Variants in PRKCE observed in about 807,000 individuals in gnomAD.
The protein encoded by PRKCE is protein kinase C epsilon, also known as protein kinase C epsilon type.
A neutral mutation model predicts 85.4 loss-of-function variants in PRKCE; 16 were observed. The ratio of observed to expected loss-of-function variants is 0.19; its 90% CI spans 0.13 to 0.28. PRKCE has a LOEUF of 0.28. Among genes scored for constraint, PRKCE ranks in the 10% least tolerant of loss-of-function variants. The probability of loss-of-function intolerance (pLI) is 1.00; values close to 1 mark genes in which losing one functional copy is unlikely to be tolerated. For synonymous variants in PRKCE, 388 were observed against 371.5 expected (o/e 1.04, Z -0.51); for missense variants, 573 against 975.2 (o/e 0.59, Z 5.49).
intron 2 of PRKCE, among the ~76,000 whole-genome samples, chr2:45,891,167 C>T (rs878912113): frequency 2.0e-5 from 3 of 152,140 alleles, no homozygotes; most frequent in African/African-American, 7.2e-5. Flanking sequence ...ATAGATTTAC[C>T]CGACACACAC....
At chr2:45,814,920 G>A (rs1688922169) in intron 1 of PRKCE, among the ~76,000 whole-genome samples, 1 of 152,162 alleles carries the variant, frequency 6.6e-6, no homozygotes, top group African/African-American at 2.4e-5. Context: ...GTGGCAATGT[G>A]ACTTCTCCAA....
intron 1 of PRKCE, among the ~76,000 whole-genome samples, chr2:45,796,873 G>A (rs942732456): frequency 3.3e-5 from 5 of 152,134 alleles, no homozygotes; most frequent in Non-Finnish European, 7.4e-5. Context: ...GCGCCTCAGC[G>A]TCCCAGAGTG....
At chr2:45,761,206 G>A (rs979421941) in intron 1 of PRKCE, among the ~76,000 whole-genome samples, 4 of 151,424 alleles carry the variant, frequency 2.6e-5, no homozygotes, top group Admixed American at 6.6e-5. Flanking sequence ...GGGCGCCTGT[G>A]GTCTCAGCTA....
At chr2:45,968,613 C>T (rs1050059040) in intron 2 of PRKCE, among the ~76,000 whole-genome samples, 3 of 152,100 alleles carry the variant, frequency 2.0e-5, no homozygotes, top group East Asian at 1.9e-4. Context: ...CCATTTGTAT[C>T]GCAAAGCTAT....
chr2:45,844,983 C>T (rs931315014), intron 2 of PRKCE, among the ~76,000 whole-genome samples: 1 of 151,486 alleles, frequency 6.6e-6, no homozygotes, highest in Non-Finnish European at 1.5e-5. Context: ...ATAGAGTTTA[C>T]TTTAGAAATG....
intron 14 of PRKCE, among the ~76,000 whole-genome samples, chr2:46,173,036 T>G (rs1679075142): frequency 6.6e-6 from 1 of 152,232 alleles, no homozygotes; most frequent in Non-Finnish European, 1.5e-5. Context: ...CTGTTCTATA[T>G]TCTACCAGGC....
chr2:45,828,688 G>T (rs938740057), intron 1 of PRKCE, among the ~76,000 whole-genome samples: 2 of 151,788 alleles, frequency 1.3e-5, no homozygotes, highest in Admixed American at 6.6e-5. Context: ...TACTTTAATG[G>T]ATTGTTTAAC....
intron 2 of PRKCE, among the ~76,000 whole-genome samples, chr2:45,917,838 G>A (rs1459850286): frequency 2.0e-5 from 3 of 152,222 alleles, no homozygotes; most frequent in Admixed American, 6.5e-5. Flanking sequence ...GCTAAGGCCC[G>A]GCGAGAAATC....
In PRKCE at chr2:45,918,136, G is replaced by A. The variant is rs1342544516; in HGVS notation, c.413-58293G>A. Among the ~76,000 whole-genome samples, 7 of 152,226 alleles carry A rather than the reference G, an allele frequency of 4.6e-5. 1 individual carries two copies. Among genetic ancestry groups the A allele is most frequent in the Admixed American group, 4.6e-4 (7 of 15,290 alleles). On this transcript the variant is annotated intron_variant, in intron 2 of 14. Transcript: ENST00000306156. ...AAGGGGCTCCCAGAGTGCAGTGGTG[G>A]GCTGAAGGGCTCCTCAAATGCCGCC...
At chr2:46,018,196 C>T (rs59082194) in intron 10 of PRKCE, among the ~76,000 whole-genome samples, 3,564 of 152,302 alleles carry the variant, frequency 0.023, 100 homozygotes, top group East Asian at 0.12. Flanking sequence ...GGCACAGGAA[C>T]GATCCAAAAT....
chr2:45,761,586 A>G (rs1401318837), intron 1 of PRKCE, among the ~76,000 whole-genome samples: 1 of 152,040 alleles, frequency 6.6e-6, no homozygotes, highest in Admixed American at 6.6e-5. Context: ...GAAGATTCCA[A>G]TTGGCCTCAC....
chr2:46,121,524 A>G (rs1326830161), intron 11 of PRKCE, among the ~76,000 whole-genome samples: 1 of 152,164 alleles, frequency 6.6e-6, no homozygotes, highest in Non-Finnish European at 1.5e-5. Context: ...AGCATCACAC[A>G]GTGGACTCTG....
intron 1 of PRKCE, among the ~76,000 whole-genome samples, chr2:45,803,028 G>A (rs1687988152): frequency 6.6e-6 from 1 of 152,204 alleles, no homozygotes; most frequent in Admixed American, 6.5e-5. Flanking sequence ...GAAAGGTATA[G>A]ACACGTATTT....
At chr2:46,060,487 A>AAC (rs1255285772) in intron 10 of PRKCE, among the ~76,000 whole-genome samples, 2 of 152,192 alleles carry the variant, frequency 1.3e-5, no homozygotes, top group Non-Finnish European at 2.9e-5. Flanking sequence ...CACACTCATC[A>AAC]ACACGGAGCT....
chr2:45,689,901 C>G lies in PRKCE; in HGVS notation c.348+37453C>G, dbSNP rs974131050. 3.7e-5 allele frequency among the ~76,000 whole-genome samples: 3 copies of G among 82,018 alleles called. 1 individual carries two copies. Among genetic ancestry groups the G allele is most frequent in the African/African-American group, 1.3e-4 (3 of 23,102 alleles). 53.8% of individuals were successfully genotyped at this position (82,018 alleles called of 152,430 possible). ...TGGGTGACAGAGCAAGACTCCATCT[C>G]AAAAAAAAAAAAAAAAAAATGCTTG... On this transcript the variant is annotated intron_variant, in intron 1 of 14. Transcript: ENST00000306156.
intron 12 of PRKCE, among the ~76,000 whole-genome samples, chr2:46,147,335 C>T (rs1676168406): frequency 6.6e-6 from 1 of 152,190 alleles, no homozygotes; most frequent in Non-Finnish European, 1.5e-5. Context: ...TGCCATCATT[C>T]ATTCTTCATT....
At chr2:46,178,727 C>T (rs1011547466) in intron 14 of PRKCE, among the ~76,000 whole-genome samples, 1 of 152,118 alleles carries the variant, frequency 6.6e-6, no homozygotes, top group African/African-American at 2.4e-5. Flanking sequence ...CTAGGACGGA[C>T]TTGGGATTTG....
chr2:45,671,157 A>G (rs1391580047), intron 1 of PRKCE, among the ~76,000 whole-genome samples: 1 of 152,236 alleles, frequency 6.6e-6, no homozygotes, highest in African/African-American at 2.4e-5. Context: ...GAGACTGCAC[A>G]ATGGGGATAC....
intron 14 of PRKCE, among the ~76,000 whole-genome samples, chr2:46,162,921 C>T (rs933793772): frequency 1.3e-5 from 2 of 152,150 alleles, no homozygotes; most frequent in Admixed American, 6.5e-5. Context: ...GGCACCAGCC[C>T]GAGTCATCCG....
Sources: allele counts gnomAD v4.1 joint callset (sites outside exome capture counted in the v4.1 genomes callset), GRCh38; gene constraint gnomAD v4.1.1; transcripts MANE v1.5; gene names NCBI Gene and HGNC (gene_info 2026-07-23, HGNC 2026-07-21).